PLEKHF2: variants seen among roughly 807,000 people sequenced by gnomAD.
PLEKHF2 encodes the protein pleckstrin homology and FYVE domain containing 2.
In PLEKHF2, 4 loss-of-function variants were observed where a neutral mutation model predicts 14.7. That is an observed-to-expected ratio of 0.27 (90% CI 0.13 to 0.62). The LOEUF is 0.62. PLEKHF2 is among the 20% of genes least tolerant of loss of function. PLEKHF2 has a pLI of 0.85. For missense variants in PLEKHF2, 201 were observed against 307.7 expected (o/e 0.65, Z 2.60); for synonymous variants, 90 against 103.5 (o/e 0.87, Z 0.79).
chr8:95,152,309 T>C (rs978628804), intron 1 of PLEKHF2, among the ~76,000 whole-genome samples: 2 of 152,144 alleles, frequency 1.3e-5, no homozygotes, highest in Non-Finnish European at 2.9e-5. Context: ...AATGCTGTGC[T>C]GATTATCCTT....
intron 1 of PLEKHF2, among the ~76,000 whole-genome samples, chr8:95,152,617 T>C (rs1810575419): frequency 6.6e-6 from 1 of 152,108 alleles, no homozygotes; most frequent in Non-Finnish European, 1.5e-5. Flanking sequence ...TAGTCCTAAT[T>C]AGAAACCTTT....
At position 95,154,706 on chromosome 8, in the gene PLEKHF2, C is replaced by G. The variant is rs767929258; in HGVS notation, c.662C>G (p.Pro221Arg). 3.3e-5 allele frequency: 54 copies of G among 1,614,032 alleles called. No homozygotes were observed. Among genetic ancestry groups the G allele is most frequent in the Non-Finnish European group, 4.5e-5 (53 of 1,180,002 alleles). Residue 221 changes from proline to arginine, a missense_variant, in exon 2 of 2, where the codon CCT becomes CGT. By Grantham distance (103) the Pro-to-Arg change is moderately radical. Transcript: ENST00000315367. This position sits in a 1 kb window ranked among gnomAD's most constrained non-coding sequence, Gnocchi z 5.6. ...LSAGDMATCQPARSDSYSQSL... is the reference protein window; with the variant it reads ...LSAGDMATCQRARSDSYSQSL... ...GCTGGGGACATGGCCACATGCCAGC[C>G]TGCTAGATCAGACTCTTACAGCCAG...
intron 1 of PLEKHF2, among the ~76,000 whole-genome samples, chr8:95,148,784 C>CA (rs1315038095): frequency 5.9e-5 from 9 of 151,694 alleles, no homozygotes; most frequent in African/African-American, 2.2e-4. Context: ...ATTTGAAAAG[C>CA]AAAAAAGTAT....
intron 1 of PLEKHF2, among the ~76,000 whole-genome samples, chr8:95,152,387 G>A (rs1810573044): frequency 6.6e-6 from 1 of 152,026 alleles, no homozygotes; most frequent in African/African-American, 2.4e-5. Context: ...ATTCTCTGTA[G>A]TGTACAAGGG....
At position 95,154,940 on chromosome 8, in the gene PLEKHF2, A is replaced by G. The variant is rs1810600580; in HGVS notation, c.*146A>G. ...TAACCTATGTGCCTCAATATATTCC[A>G]TAGAAAGTAGGTCCCCCTGCCTTCT... On this transcript the variant is annotated 3_prime_UTR_variant, in exon 2 of 2. Transcript: ENST00000315367. The surrounding 1 kb of genome is among the most constrained non-coding windows in gnomAD (Gnocchi z 5.6). 5.2e-6 allele frequency: 5 copies of G among 970,128 alleles called. No individual in the cohort carries two copies. Among genetic ancestry groups the G allele is most frequent in the Non-Finnish European group, 7.6e-6 (5 of 658,594 alleles). 60.1% of individuals were successfully genotyped at this position (970,128 alleles called of 1,614,324 possible). A position where few individuals can be genotyped will look rare whatever the true frequency, so the allele number is the denominator to read the frequency against.
Position 95,154,967 on chromosome 8 carries a change from C to T in PLEKHF2, c.*173C>T, listed in dbSNP as rs1001028568. On this transcript the variant is annotated 3_prime_UTR_variant, in exon 2 of 2. Coordinates refer to ENST00000315367, the MANE Select transcript of PLEKHF2 (RefSeq NM_024613.4). This position sits in a 1 kb window ranked among gnomAD's most constrained non-coding sequence, Gnocchi z 5.6. ...AGAAAGTAGGTCCCCCTGCCTTCTC[C>T]CACTCCTCACACTCTTCTACAGGGA... is the stretch of plus-strand genomic sequence containing the variant. 2.2e-5 allele frequency: 15 copies of T among 690,112 alleles called. No individual in the cohort carries two copies. The African/African-American group carries it at 2.7e-4, about 12-fold the overall frequency. The allele number at this position is 690,112 out of a possible 1,614,324, so 42.7% of individuals were successfully genotyped here.
chr8:95,153,480 G>A (rs1445612399), intron 1 of PLEKHF2, among the ~76,000 whole-genome samples: 1 of 152,112 alleles, frequency 6.6e-6, no homozygotes, highest in Non-Finnish European at 1.5e-5. Context: ...AGCAATGATG[G>A]GGTCAAATTA....
Position 95,156,287 on chromosome 8 carries a change from A to G in PLEKHF2, c.*1493A>G, listed in dbSNP as rs1013496625. 1.8e-5 allele frequency: 3 copies of G among 167,026 alleles called. No homozygotes were observed. The highest frequency in any genetic ancestry group is 4.8e-5 in the African/African-American group (2 of 41,438). 10.3% of individuals were successfully genotyped at this position (167,026 alleles called of 1,614,324 possible). A position where few individuals can be genotyped will look rare whatever the true frequency, so the allele number is the denominator to read the frequency against. ...AATGTCATGAGAAGTTTGATTCAGTAACTTGTGATGGAGGATTCTTTGGTA... is the reference window on the plus strand; with the variant it reads ...AATGTCATGAGAAGTTTGATTCAGTGACTTGTGATGGAGGATTCTTTGGTA... On this transcript the variant is annotated 3_prime_UTR_variant, in exon 2 of 2. Transcript: ENST00000315367.
Position 95,154,537 on chromosome 8 carries a change from A to G in PLEKHF2, c.493A>G (p.Lys165Glu), listed in dbSNP as rs367913301. Residue 165 changes from lysine to glutamate, a missense_variant, in exon 2 of 2, where the codon AAA becomes GAA. Lys to Glu is a moderately conservative substitution (Grantham distance 56). Coordinates refer to ENST00000315367, the MANE Select transcript of PLEKHF2 (RefSeq NM_024613.4). The surrounding 1 kb of genome is among the most constrained non-coding windows in gnomAD (Gnocchi z 5.6). ...ATVCMRCQKA[K>E]FTPVNRRHHC... ...TGTATGTATGCGTTGTCAGAAAGCA[A>G]AATTCACACCTGTTAATCGTCGCCA... 67 of 1,614,178 alleles carry G rather than the reference A, an allele frequency of 4.2e-5. No individual in the cohort carries two copies. Among genetic ancestry groups the G allele is most frequent in the Non-Finnish European group, 5.3e-5 (62 of 1,180,004 alleles).
chr8:95,134,619 G>T (rs182778183), intron 1 of PLEKHF2, among the ~76,000 whole-genome samples: 129 of 152,322 alleles, frequency 8.5e-4, no homozygotes, highest in Admixed American at 3.9e-3. Context: ...CAAGTTTTAT[G>T]ATCCTTTGAC....
At chr8:95,150,368 T>C (rs1810543733) in intron 1 of PLEKHF2, among the ~76,000 whole-genome samples, 3 of 152,170 alleles carry the variant, frequency 2.0e-5, no homozygotes, top group East Asian at 1.9e-4. Context: ...TTTTCAGATA[T>C]ATGTCACAAC....
intron 1 of PLEKHF2, among the ~76,000 whole-genome samples, chr8:95,139,695 CTTTTT>C (rs1810419434): frequency 6.6e-6 from 1 of 151,976 alleles, no homozygotes; most frequent in African/African-American, 2.4e-5. Context: ...AGAGGGAAAA[CTTTTT>C]ATGTGCCACA....
In PLEKHF2 at chr8:95,154,135, A is replaced by G; in HGVS notation, c.91A>G (p.Ile31Val). ...CFGAAGQPLT[I>V]PGRVLIGEGV... ...TGGAGCAGCTGGTCAACCTTTAACTATACCTGGACGAGTTCTTATTGGAGA... is the reference window on the plus strand; with the variant it reads ...TGGAGCAGCTGGTCAACCTTTAACTGTACCTGGACGAGTTCTTATTGGAGA... Residue 31 changes from isoleucine (I) to valine (V), a missense_variant, in exon 2 of 2, where the codon ATA becomes GTA. Transcript: ENST00000315367. The surrounding 1 kb of genome is among the most constrained non-coding windows in gnomAD (Gnocchi z 5.6). The G allele has an allele frequency of 1.2e-6, 2 of 1,614,020 alleles. No individual in the cohort carries two copies. The highest frequency in any genetic ancestry group is 1.1e-5 in the South Asian group (1 of 91,088).
At chr8:95,143,093 C>CTTTTTTTTTTTTTTTTTTTTTT (rs35086823) in intron 1 of PLEKHF2, among the ~76,000 whole-genome samples, 2 of 141,044 alleles carry the variant, frequency 1.4e-5, no homozygotes, top group African/African-American at 5.3e-5. Flanking sequence ...AGGAAATAAT[C>CTTTTTTTTTTTTTTTTTTTTTT]TTTTTTTTTT....
intron 1 of PLEKHF2, among the ~76,000 whole-genome samples, chr8:95,142,014 A>T (rs1235817199): frequency 6.6e-6 from 1 of 151,910 alleles, no homozygotes; most frequent in Non-Finnish European, 1.5e-5. Context: ...CTACTTTGCT[A>T]ATGTTTTTAG....
intron 1 of PLEKHF2, among the ~76,000 whole-genome samples, chr8:95,144,036 T>C (rs908073493): frequency 4.6e-5 from 7 of 151,808 alleles, no homozygotes; most frequent in African/African-American, 7.3e-5. Context: ...ATTTTTTTTT[T>C]CTTTTTCTTT....
chr8:95,155,068 A>G lies in PLEKHF2; in HGVS notation c.*274A>G. 4.9e-6 allele frequency: 2 copies of G among 408,420 alleles called. No individual in the cohort carries two copies. The highest frequency in any genetic ancestry group is 9.1e-6 in the Non-Finnish European group (2 of 219,032). The allele number at this position is 408,420 out of a possible 1,614,324, so 25.3% of individuals were successfully genotyped here. On this transcript the variant is annotated 3_prime_UTR_variant, in exon 2 of 2. Transcript: ENST00000315367. ...AGGTTATTTTCTTGGAAGGTTGGGA[A>G]AAGATGTTTGTTTTAACAGGTCATG... is the stretch of plus-strand genomic sequence containing the variant.
At chr8:95,134,115 G>T (rs1252008304) in intron 1 of PLEKHF2, 85 bp downstream of exon 1, 1 of 151,726 alleles carries the variant, frequency 6.6e-6, no homozygotes, top group South Asian at 2.1e-4. Context: ...TTCCTCCCGC[G>T]GTCCCGGAGC....
At chr8:95,136,435 G>A (rs1384125032) in intron 1 of PLEKHF2, among the ~76,000 whole-genome samples, 1 of 151,880 alleles carries the variant, frequency 6.6e-6, no homozygotes, top group South Asian at 2.1e-4. Context: ...TCGCCTGGGG[G>A]TACAGAACTT....
Sources: allele counts gnomAD v4.1 joint callset (sites outside exome capture counted in the v4.1 genomes callset), GRCh38; gene constraint gnomAD v4.1.1; non-coding constraint Gnocchi (gnomAD v3.1); transcripts MANE v1.5; gene names NCBI Gene and HGNC (gene_info 2026-07-23, HGNC 2026-07-21).